The following INPP5D variants were observed in gnomAD, a reference collection of about 807,000 sequenced individuals.
The protein encoded by INPP5D is phosphatidylinositol 3,4,5-trisphosphate 5-phosphatase 1.
Under a neutral mutation model 122.9 loss-of-function variants are expected in INPP5D, and 33 were observed. The observed-to-expected ratio is 0.27, with a 90% CI of 0.20 to 0.36. The LOEUF is 0.36. INPP5D is among the 10% of genes least tolerant of loss of function. INPP5D has a pLI of 1.00. For synonymous variants in INPP5D, 584 were observed against 576.2 expected (o/e 1.01, Z -0.19); for missense variants, 1,053 against 1,412.7 (o/e 0.75, Z 4.08).
chr2:233,204,135 C>G lies in INPP5D; in HGVS notation c.2985C>G (p.Asp995Glu). 1 of 1,550,672 alleles carries G rather than the reference C, an allele frequency of 6.4e-7. No homozygotes were observed. Among genetic ancestry groups the G allele is most frequent in the South Asian group, 1.2e-5 (1 of 83,568 alleles). The change falls in exon 26 of 27, where the codon GAC becomes GAG. Residue 995 changes from aspartate to glutamate, a missense_variant. By Grantham distance (45) the Asp-to-Glu change is conservative. Transcript: ENST00000445964. ...PPRTQESRPS[D>E]LGKNAGDTLP... Reference sequence around the variant, plus strand: ...CTGTCCCTGGCTCTAGGCCCAGTGACCTGGGGAAGAACGCAGGGGACACGC... The same window carrying G: ...CTGTCCCTGGCTCTAGGCCCAGTGAGCTGGGGAAGAACGCAGGGGACACGC...
At chr2:233,141,179 G>A (rs1363777796) in intron 6 of INPP5D, 1 of 152,112 alleles carries the variant, frequency 6.6e-6, no homozygotes, top group African/African-American at 2.4e-5. Context: ...ATGCAAATGT[G>A]AACTGCAGGC....
At chr2:233,158,240 G>A in intron 9 of INPP5D, 73 bp from the exon 10 acceptor site, 1 of 634,898 alleles carries the variant, frequency 1.6e-6, no homozygotes, top group Non-Finnish European at 2.8e-6. Context: ...TCAGGTGCCT[G>A]GAACATAATG....
At chr2:233,086,530 G>A (rs2106217556) in intron 2 of INPP5D, among the ~76,000 whole-genome samples, 1 of 152,168 alleles carries the variant, frequency 6.6e-6, no homozygotes, top group East Asian at 1.9e-4. Context: ...TGATAGCTGG[G>A]TCTCTGCTGC....
chr2:233,124,422 G>A (rs1574746582), intron 3 of INPP5D, among the ~76,000 whole-genome samples: 1 of 152,288 alleles, frequency 6.6e-6, no homozygotes, highest in South Asian at 2.1e-4. Context: ...GCAGCTGTTC[G>A]TTTCCAAAAG....
intron 2 of INPP5D, among the ~76,000 whole-genome samples, chr2:233,087,169 G>A (rs1691875328): frequency 6.6e-6 from 1 of 152,018 alleles, no homozygotes; most frequent in Admixed American, 6.6e-5. Context: ...GGCCACTTCG[G>A]GTTTGCCAAA....
At chr2:233,150,761 T>C (rs1387568808) in intron 9 of INPP5D, among the ~76,000 whole-genome samples, 1 of 152,070 alleles carries the variant, frequency 6.6e-6, no homozygotes, top group East Asian at 1.9e-4. Flanking sequence ...GGGCAGGTAT[T>C]AGAATGTGCT....
rs1694175254 is a variant in INPP5D, at chr2:233,160,636, G to T, written c.1138-1088G>T. ...CCTTCCCTTCTTTCTTTCTTTTTCT[G>T]TTTCTTTTCTTTTCTGAGACAGGGT... On this transcript the variant is annotated intron_variant, in intron 10 of 26. Coordinates refer to ENST00000445964, the MANE Select transcript of INPP5D (RefSeq NM_001017915.3). The surrounding 1 kb of genome is among the most constrained non-coding windows in gnomAD (Gnocchi z 4.2). Among the ~76,000 whole-genome samples the T allele has an allele frequency of 6.6e-6, 1 of 151,026 alleles. No individual in the cohort carries two copies. Among genetic ancestry groups the T allele is most frequent in the African/African-American group, 2.4e-5 (1 of 40,942 alleles).
chr2:233,169,491 G>C, intron 14 of INPP5D, 90 bp downstream of exon 14: 4 of 1,525,178 alleles, frequency 2.6e-6, no homozygotes, highest in Non-Finnish European at 3.5e-6. Flanking sequence ...GACCTGCTCA[G>C]CTCCTGCCTT....
At chr2:233,159,608 C>T (rs902689534) in intron 10 of INPP5D, among the ~76,000 whole-genome samples, 1 of 145,510 alleles carries the variant, frequency 6.9e-6, no homozygotes, top group Non-Finnish European at 1.5e-5. Context: ...GTGGGAGGAT[C>T]GCTTGAACCC....
chr2:233,071,272 C>G (rs1326811008), intron 1 of INPP5D, among the ~76,000 whole-genome samples: 2 of 151,264 alleles, frequency 1.3e-5, no homozygotes, highest in African/African-American at 4.9e-5. Context: ...GCTTGGGCCA[C>G]AGAGTGAGTC....
At chr2:233,166,540 C>T (rs1694344457) in intron 13 of INPP5D, among the ~76,000 whole-genome samples, 1 of 152,188 alleles carries the variant, frequency 6.6e-6, no homozygotes, top group South Asian at 2.1e-4. Flanking sequence ...AGAGTCCCAG[C>T]TTTATGACCA....
Position 233,177,470 on chromosome 2 carries a change from AC to A in INPP5D, c.2071+127del. 1 of 1,513,458 alleles carries A rather than the reference AC, an allele frequency of 6.6e-7. No homozygotes were observed. Among genetic ancestry groups the A allele is most frequent in the Non-Finnish European group, 9.0e-7 (1 of 1,111,728 alleles). 93.8% of individuals were successfully genotyped at this position (1,513,458 alleles called of 1,614,324 possible). A position where few individuals can be genotyped will look rare whatever the true frequency, so the allele number is the denominator to read the frequency against. ...GTGTCAAAGGGAGGAATTCACTGTA[AC>A]CCTAATCAGGCGACCTGGAAATGTT... is the stretch of plus-strand genomic sequence containing the variant. On this transcript the variant is annotated intron_variant, in intron 18 of 26. Transcript: ENST00000445964. This position sits in a 1 kb window ranked among gnomAD's most constrained non-coding sequence, Gnocchi z 4.2.
chr2:233,139,189 A>T (rs1693580797), intron 5 of INPP5D, among the ~76,000 whole-genome samples: 1 of 152,248 alleles, frequency 6.6e-6, no homozygotes, highest in African/African-American at 2.4e-5. Context: ...ACAGTTTTTG[A>T]TGAAACAATA....
chr2:233,081,434 A>G (rs1691686220), intron 2 of INPP5D, among the ~76,000 whole-genome samples: 1 of 152,154 alleles, frequency 6.6e-6, no homozygotes, highest in Admixed American at 6.5e-5. Flanking sequence ...CTTCCTTCAA[A>G]GTGAAGAAAA....
rs34084880 is a variant in INPP5D, at chr2:233,116,248, G to GATAGATAGATAGATATAGAT, written c.199-5852_199-5851insGATAGATATAGATATAGATA. Among the ~76,000 whole-genome samples the GATAGATAGATAGATATAGAT allele has an allele frequency of 5.1e-3, 692 of 135,216 alleles. 6 individuals carry two copies. The highest frequency in any genetic ancestry group is 0.019 in the African/African-American group (605 of 32,030). 88.7% of individuals were successfully genotyped at this position (135,216 alleles called of 152,430 possible). On this transcript the variant is annotated intron_variant, in intron 2 of 26. Coordinates refer to ENST00000445964, the MANE Select transcript of INPP5D (RefSeq NM_001017915.3). ...ATGTAGATAGATAGATAGATAGATA[G>GATAGATAGATAGATATAGAT]ATAGATATAGATATAGATATAGATA... is the stretch of plus-strand genomic sequence containing the variant.
At chr2:233,094,812 A>G (rs1692091423) in intron 2 of INPP5D, among the ~76,000 whole-genome samples, 3 of 152,134 alleles carry the variant, frequency 2.0e-5, no homozygotes, top group Admixed American at 1.3e-4. Context: ...AGTCAGTCTC[A>G]CTCACCACGG....
intron 10 of INPP5D, among the ~76,000 whole-genome samples, 197 bp from the exon 11 acceptor site, chr2:233,161,527 C>T (rs1317481478): frequency 6.6e-6 from 1 of 152,182 alleles, no homozygotes; most frequent in Non-Finnish European, 1.5e-5. Flanking sequence ...TTGTTAAAGT[C>T]GCACCTTTGC....
intron 17 of INPP5D, among the ~76,000 whole-genome samples, chr2:233,173,698 G>A (rs1251167391): frequency 6.6e-6 from 1 of 152,082 alleles, no homozygotes; most frequent in Non-Finnish European, 1.5e-5. Flanking sequence ...TTGGGAGACC[G>A]AGGTGGGTGA....
chr2:233,184,652 G>T, intron 20 of INPP5D, 131 bp downstream of exon 20: 1 of 1,323,348 alleles, frequency 7.6e-7, no homozygotes, highest in Non-Finnish European at 1.0e-6. Flanking sequence ...AGAGAAGTGG[G>T]GCTGCAGGTG....
Sources: allele counts gnomAD v4.1 joint callset (sites outside exome capture counted in the v4.1 genomes callset), GRCh38; gene constraint gnomAD v4.1.1; non-coding constraint Gnocchi (gnomAD v3.1); transcripts MANE v1.5; gene names NCBI Gene and HGNC (gene_info 2026-07-23, HGNC 2026-07-21).